The following LMO7 variants were observed in gnomAD, a reference collection of about 807,000 sequenced individuals.
LMO7 encodes LIM domain 7.
A neutral mutation model predicts 206.5 loss-of-function variants in LMO7; 120 were observed. That is an observed-to-expected ratio of 0.58 (90% confidence interval 0.50 to 0.68). The LOEUF is 0.68. LMO7 is among the 30% of genes least tolerant of loss of function. The pLI is 0.00. For missense variants in LMO7, 1,959 were observed against 1,957.9 expected, an observed-to-expected ratio of 1.00 and a Z score of -0.01; for synonymous variants, 706 against 681.5, an observed-to-expected ratio of 1.04 and a Z score of -0.56.
At chr13:75,628,837 C>G (rs754219371) in intron 2 of LMO7, among the ~76,000 whole-genome samples, 4 of 152,174 alleles carry the variant, frequency 2.6e-5, no homozygotes, top group African/African-American at 9.7e-5. Flanking sequence ...CACAGAGTAG[C>G]CTTTTTCTGC....
intron 3 of LMO7, among the ~76,000 whole-genome samples, chr13:75,754,744 A>G (rs2047540793): frequency 6.6e-6 from 1 of 152,224 alleles, no homozygotes; most frequent in Non-Finnish European, 1.5e-5. Flanking sequence ...TAATGATATG[A>G]AAATATGTTA....
intron 4 of LMO7, among the ~76,000 whole-genome samples, chr13:75,787,610 C>T (rs1327263749): frequency 5.9e-5 from 9 of 152,070 alleles, no homozygotes; most frequent in Non-Finnish European, 1.3e-4. Flanking sequence ...GTACAGAAAT[C>T]GTCAGGTTCA....
At chr13:75,773,764 A>G (rs746140831) in intron 4 of LMO7, among the ~76,000 whole-genome samples, 4 of 152,192 alleles carry the variant, frequency 2.6e-5, no homozygotes, top group Non-Finnish European at 5.9e-5. Flanking sequence ...GGCATTGTCA[A>G]TATATTTAAG....
chr13:75,709,067 G>A (rs542022991), intron 1 of LMO7, among the ~76,000 whole-genome samples: 21 of 152,102 alleles, frequency 1.4e-4, no homozygotes, highest in Middle Eastern at 3.4e-3. Flanking sequence ...TTGTCCTTGC[G>A]ATAGTTTGCT....
chr13:75,779,163 A>G (rs1266447998), intron 4 of LMO7, among the ~76,000 whole-genome samples: 1 of 152,120 alleles, frequency 6.6e-6, no homozygotes, highest in East Asian at 1.9e-4. Flanking sequence ...AGGACAGAGC[A>G]TGTGGAAAGG....
At chr13:75,853,444 A>G in intron 28 of LMO7, 56 bp downstream of exon 28, 2 of 1,439,004 alleles carry the variant, frequency 1.4e-6, no homozygotes, top group Non-Finnish European at 1.9e-6. Flanking sequence ...TTTTCATTAA[A>G]ATATCCCCCA....
At chr13:75,731,566 G>A (rs1279954258) in intron 3 of LMO7, among the ~76,000 whole-genome samples, 1 of 152,064 alleles carries the variant, frequency 6.6e-6, no homozygotes, top group Non-Finnish European at 1.5e-5. Flanking sequence ...ACACTGATGG[G>A]TCTTGACTCT....
At chr13:75,776,162 G>GAGATAT (rs2050384687) in intron 4 of LMO7, among the ~76,000 whole-genome samples, 2 of 36,830 alleles carry the variant, frequency 5.4e-5, no homozygotes, top group Non-Finnish European at 1.2e-4. Flanking sequence ...ATATATATCG[G>GAGATAT]ATATATATAT....
At chr13:75,795,614 T>G (rs892539500) in intron 5 of LMO7, among the ~76,000 whole-genome samples, 183 bp downstream of exon 5, 18 of 152,230 alleles carry the variant, frequency 1.2e-4, no homozygotes. Flanking sequence ...GTTAGGCTGT[T>G]CAGCTCCCAC....
rs2058669046 is a variant in LMO7, at chr13:75,831,555, TG to T, written c.2950-1494del. ...TTATTTGGCTCATGGTTCTGGTGGC[TG>T]GAAAGTCCAAGAGCATGGCACCAAC... is the stretch of plus-strand genomic sequence containing the variant. On this transcript the variant is annotated intron_variant, in intron 15 of 30. Transcript: ENST00000377534. Among the ~76,000 whole-genome samples the T allele has an allele frequency of 3.9e-5, 6 of 152,262 alleles. No homozygotes were observed. The South Asian group carries it at 1.2e-3, about 32-fold the overall frequency.
intron 11 of LMO7, among the ~76,000 whole-genome samples, chr13:75,811,466 A>C (rs2056390900): frequency 6.6e-6 from 1 of 152,216 alleles, no homozygotes; most frequent in Non-Finnish European, 1.5e-5. Context: ...TATTTCTCTG[A>C]ACATAATGTA....
chr13:75,650,162 G>A (rs371575175), intron 1 of LMO7, among the ~76,000 whole-genome samples: 10 of 151,000 alleles, frequency 6.6e-5, no homozygotes, highest in African/African-American at 2.2e-4. Context: ...ATGGAGTCTC[G>A]CTCTGTCGCC....
chr13:75,815,175 T>C (rs1452025929), intron 11 of LMO7, among the ~76,000 whole-genome samples: 1 of 152,136 alleles, frequency 6.6e-6, no homozygotes, highest in African/African-American at 2.4e-5. Context: ...GTGATTATTA[T>C]AATAATTGTA....
intron 12 of LMO7, 66 bp downstream of exon 12, chr13:75,817,344 G>C: frequency 1.0e-6 from 1 of 998,222 alleles, no homozygotes; most frequent in South Asian, 1.3e-5. Flanking sequence ...TTCTCTTAAA[G>C]TCAATATACT....
intron 4 of LMO7, among the ~76,000 whole-genome samples, chr13:75,776,162 GATATATAT>G (rs58964680): frequency 0.017 from 626 of 36,782 alleles, 21 homozygotes; most frequent in South Asian, 0.04. Context: ...ATATATATCG[GATATATAT>G]ATATATATAT....
In LMO7 at chr13:75,834,483, T is replaced by TC. The variant is rs1369574392; in HGVS notation, c.3226+97dup. 5 of 973,658 alleles carry TC rather than the reference T, an allele frequency of 5.1e-6. No homozygotes were observed. The East Asian group carries it at 1.3e-4, about 25-fold the overall frequency. The allele number at this position is 973,658 out of a possible 1,614,324, so 60.3% of individuals were successfully genotyped here. Reference sequence around the variant, plus strand: ...TTTGCTTCAATAACTTTTTATTTTTTCACTTATGTTTTGGCATTAAAGGTT... The same window carrying TC: ...TTTGCTTCAATAACTTTTTATTTTTTCCACTTATGTTTTGGCATTAAAGGTT... On this transcript the variant is annotated intron_variant, in intron 17 of 30. Coordinates refer to ENST00000377534, the MANE Select transcript of LMO7 (RefSeq NM_001306080.2).
At chr13:75,691,267 A>G (rs947447158) in intron 1 of LMO7, among the ~76,000 whole-genome samples, 15 of 152,240 alleles carry the variant, frequency 9.9e-5, no homozygotes, top group African/African-American at 3.6e-4. Flanking sequence ...ATGACCTAAT[A>G]TTTGCAGTAT....
chr13:75,688,152 A>G (rs8002934), intron 1 of LMO7, among the ~76,000 whole-genome samples: 1 of 152,152 alleles, frequency 6.6e-6, no homozygotes, highest in Non-Finnish European at 1.5e-5. Context: ...TTCTTTATAC[A>G]TTACCCAGTC....
chr13:75,807,640 G>A lies in LMO7; in HGVS notation c.1357G>A (p.Ala453Thr). ...TAGAAGAGATGACCTCGAGATGGCA[G>A]CCCTGGATCCTGACTTAGAGAATGA... is the stretch of plus-strand genomic sequence containing the variant. ...GYRRDDLEMA[A>T]LDPDLENDDF... The change falls in exon 10 of 31, where the codon GCC (alanine) becomes ACC (threonine). Residue 453 changes from alanine to threonine, a missense_variant. Physicochemically the swap from Ala to Thr is moderately conservative, Grantham distance 58. Transcript: ENST00000377534. 6.2e-7 allele frequency: 1 copy of A among 1,613,998 alleles called. No homozygotes were observed. Among genetic ancestry groups the A allele is most frequent in the Admixed American group, 1.7e-5 (1 of 60,026 alleles).
Sources: gnomAD v4.1 joint callset for allele counts (sites outside exome capture counted in the v4.1 genomes callset) on GRCh38, gnomAD v4.1.1 for gene constraint, MANE v1.5 for transcripts, NCBI Gene and HGNC (gene_info 2026-07-23, HGNC 2026-07-21) for gene names.